The following FBXW8 variants were observed in gnomAD, a reference collection of about 807,000 sequenced individuals.
FBXW8 encodes the protein F-box and WD repeat domain containing 8.
Under a neutral mutation model 65.3 loss-of-function variants are expected in FBXW8, and 57 were observed. The observed-to-expected ratio is 0.87, with a 90% confidence interval of 0.71 to 1.09. FBXW8 has a LOEUF of 1.09. Ranked by LOEUF, FBXW8 falls within the 50% of genes least tolerant of loss-of-function variation. The probability of loss-of-function intolerance (pLI) is 0.00; values close to 1 mark genes in which losing one functional copy is unlikely to be tolerated. For synonymous variants in FBXW8, 308 were observed against 330.2 expected, an observed-to-expected ratio of 0.93 and a Z score of 0.73; for missense variants, 777 against 814.8, an observed-to-expected ratio of 0.95 and a Z score of 0.57.
At chr12:116,921,554 A>T (rs183438367) in intron 1 of FBXW8, among the ~76,000 whole-genome samples, 1 of 152,270 alleles carries the variant, frequency 6.6e-6, no homozygotes, top group Admixed American at 6.5e-5. Context: ...TCTATAAAAG[A>T]TTTTAGCTCT....
chr12:117,026,371 T>C (rs1208235795), intron 9 of FBXW8, among the ~76,000 whole-genome samples: 4 of 148,432 alleles, frequency 2.7e-5, no homozygotes, highest in African/African-American at 1.0e-4. Context: ...CACCAACACT[T>C]TCCTTCAGTC....
At chr12:116,950,439 G>A (rs143833995) in intron 4 of FBXW8, 1 of 152,340 alleles carries the variant, frequency 6.6e-6, no homozygotes, top group East Asian at 1.9e-4. Context: ...CAGCTATGGA[G>A]TGAGACGCCT....
chr12:116,951,245 G>A (rs2137359537), intron 4 of FBXW8: 1 of 152,296 alleles, frequency 6.6e-6, no homozygotes, highest in South Asian at 2.1e-4. Flanking sequence ...AAAACCTTAC[G>A]TTGATGGCTT....
intron 2 of FBXW8, among the ~76,000 whole-genome samples, chr12:116,940,937 T>C (rs1882525421): frequency 6.6e-6 from 1 of 152,120 alleles, no homozygotes; most frequent in Admixed American, 6.5e-5. Context: ...ATGGAAACTA[T>C]ATGAAAAATA....
At chr12:116,942,229 G>C (rs577233645) in intron 2 of FBXW8, among the ~76,000 whole-genome samples, 2 of 150,110 alleles carry the variant, frequency 1.3e-5, no homozygotes, top group Admixed American at 6.7e-5. Context: ...GGGTCTCACT[G>C]TTCATCAGTG....
intron 7 of FBXW8, among the ~76,000 whole-genome samples, chr12:116,995,756 A>G (rs897977654): frequency 6.6e-6 from 1 of 152,202 alleles, no homozygotes; most frequent in Admixed American, 6.5e-5. Context: ...GTGGTATATG[A>G]TTGTAAAAGA....
Position 117,024,333 on chromosome 12 carries a change from C to G in FBXW8, c.1541+13C>G, listed in dbSNP as rs1490954910. ...AGGTGTATTCCGGGTAAGGTGCATT[C>G]TAGACACTCTTGGGAGTTCCTAGTA... On this transcript the variant is annotated intron_variant, in intron 9 of 10. Coordinates refer to ENST00000652555, the MANE Select transcript of FBXW8 (RefSeq NM_153348.3). The G allele has an allele frequency of 6.2e-6, 10 of 1,613,794 alleles. No homozygotes were observed. The highest frequency in any genetic ancestry group is 2.2e-5 in the East Asian group (1 of 44,870).
At position 117,028,046 on chromosome 12, in the gene FBXW8, C is replaced by T. The variant is rs149415291; in HGVS notation, c.1671C>T (p.Arg557=). The change falls in exon 11 of 11, where the codon CGC becomes CGT. Residue 557 remains arginine, a synonymous_variant. Transcript: ENST00000652555. This position sits in a 1 kb window ranked among gnomAD's most constrained non-coding sequence, Gnocchi z 4.1. ...TTTCTAGACACCGGGGGCTGATCCGCGCCTATGAGTTTGCGGTGGACCAGC... is the reference window on the plus strand; with the variant it reads ...TTTCTAGACACCGGGGGCTGATCCGTGCCTATGAGTTTGCGGTGGACCAGC... The part of the protein sequence containing the change: ...TTHRRHRGLI[R]AYEFAVDQLA... The T allele has an allele frequency of 7.5e-4, 1,208 of 1,614,038 alleles. 24 individuals are homozygous for T. The South Asian group carries it at 0.012, about 16-fold the overall frequency.
intron 5 of FBXW8, among the ~76,000 whole-genome samples, chr12:116,971,515 G>A (rs1264838735): frequency 2.0e-5 from 3 of 152,062 alleles, no homozygotes; most frequent in Non-Finnish European, 2.9e-5. Context: ...AGGGGCTGGA[G>A]GAAGTTGTTG....
chr12:116,939,026 C>A (rs927311390), intron 2 of FBXW8, among the ~76,000 whole-genome samples: 1 of 152,124 alleles, frequency 6.6e-6, no homozygotes, highest in African/African-American at 2.4e-5. Context: ...ATGGTTAGTG[C>A]CCAAAACATA....
At chr12:116,943,854 A>C (rs1882762262) in intron 2 of FBXW8, among the ~76,000 whole-genome samples, 1 of 152,178 alleles carries the variant, frequency 6.6e-6, no homozygotes, top group African/African-American at 2.4e-5. Context: ...CTGTAGAGTT[A>C]AGCAGTTGCC....
At chr12:117,019,218 T>C (rs1954029995) in intron 8 of FBXW8, among the ~76,000 whole-genome samples, 1 of 152,232 alleles carries the variant, frequency 6.6e-6, no homozygotes, top group African/African-American at 2.4e-5. Context: ...AACGGACCTA[T>C]TATGTATCAT....
chr12:116,940,523 T>TA (rs111953115), intron 2 of FBXW8, among the ~76,000 whole-genome samples: 118 of 143,848 alleles, frequency 8.2e-4, no homozygotes, highest in African/African-American at 2.0e-3. Context: ...AGTTTGTGTT[T>TA]AAAAAAAAAA....
At chr12:116,965,677 A>G (rs141376912) in intron 5 of FBXW8, among the ~76,000 whole-genome samples, 1 of 152,232 alleles carries the variant, frequency 6.6e-6, no homozygotes, top group African/African-American at 2.4e-5. Context: ...GTTGGCTCAG[A>G]GGAACAAAAC....
At chr12:117,008,178 AT>A (rs1953722932) in intron 7 of FBXW8, among the ~76,000 whole-genome samples, 1 of 152,186 alleles carries the variant, frequency 6.6e-6, no homozygotes, top group Non-Finnish European at 1.5e-5. Context: ...CAGTTCTTAG[AT>A]TTACCATCAA....
chr12:116,957,262 A>C (rs1321348175), intron 4 of FBXW8, among the ~76,000 whole-genome samples: 1 of 150,304 alleles, frequency 6.7e-6, no homozygotes, highest in South Asian at 2.1e-4. Flanking sequence ...CACAAGGATC[A>C]CTTGAACCCG....
chr12:116,981,878 TGC>T (rs1885332857), intron 5 of FBXW8, among the ~76,000 whole-genome samples: 3 of 152,186 alleles, frequency 2.0e-5, no homozygotes, highest in Non-Finnish European at 4.4e-5. Flanking sequence ...CCTCCCAAAG[TGC>T]TGGGATTACA....
intron 7 of FBXW8, among the ~76,000 whole-genome samples, chr12:117,000,090 T>G (rs2135694658): frequency 6.6e-6 from 1 of 151,540 alleles, no homozygotes; most frequent in South Asian, 2.1e-4. Flanking sequence ...CTCGCCATTC[T>G]CCTGCCTCAG....
chr12:116,970,979 A>G (rs769638512), intron 5 of FBXW8, among the ~76,000 whole-genome samples: 7 of 152,232 alleles, frequency 4.6e-5, no homozygotes, highest in Admixed American at 1.3e-4. Context: ...GAAACCAAAA[A>G]AACACACCAG....
Sources: allele counts gnomAD v4.1 joint callset (sites outside exome capture counted in the v4.1 genomes callset), GRCh38; gene constraint gnomAD v4.1.1; non-coding constraint Gnocchi (gnomAD v3.1); transcripts MANE v1.5; gene names NCBI Gene and HGNC (gene_info 2026-07-23, HGNC 2026-07-21).